TMEM132C: variants seen among roughly 807,000 people sequenced by gnomAD.
TMEM132C encodes transmembrane protein 132C.
A neutral mutation model predicts 61.4 loss-of-function variants in TMEM132C; 29 were observed. The ratio of observed to expected loss-of-function variants is 0.47; its 90% CI spans 0.35 to 0.64. TMEM132C has a LOEUF of 0.64. Ranked by LOEUF, TMEM132C falls within the 30% of genes least tolerant of loss-of-function variation. The pLI, the probability that TMEM132C is intolerant of heterozygous loss-of-function variation, is 0.00. For synonymous variants in TMEM132C, 656 were observed against 633.1 expected (o/e 1.04, Z -0.54); for missense variants, 1,408 against 1,476.9 (o/e 0.95, Z 0.76).
At chr12:128,557,763 A>G (rs1477967077) in intron 3 of TMEM132C, among the ~76,000 whole-genome samples, 3 of 152,226 alleles carry the variant, frequency 2.0e-5, no homozygotes. Context: ...TCCTTCTCAT[A>G]TCTGGCTGAT....
intron 3 of TMEM132C, among the ~76,000 whole-genome samples, chr12:128,581,996 C>T (rs1875353091): frequency 6.6e-6 from 1 of 152,182 alleles, no homozygotes; most frequent in African/African-American, 2.4e-5. Context: ...AACTCTGTGG[C>T]AGACGAGGGG....
At chr12:128,686,565 C>A (rs1409403699) in intron 5 of TMEM132C, among the ~76,000 whole-genome samples, 2 of 152,168 alleles carry the variant, frequency 1.3e-5, no homozygotes, top group African/African-American at 4.8e-5. Flanking sequence ...TGCACTCCAG[C>A]CTGGACAACA....
At position 128,707,589 on chromosome 12, in the gene TMEM132C, A is replaced by C. The variant is rs1315597058; in HGVS notation, c.*1294A>C. 6.6e-6 allele frequency: 1 copy of C among 152,218 alleles called. No homozygotes were observed. Among genetic ancestry groups the C allele is most frequent in the Non-Finnish European group, 1.5e-5 (1 of 68,040 alleles). The allele number at this position is 152,218 out of a possible 1,614,324, so 9.4% of individuals were successfully genotyped here. ...CAAAGCGACACATGTGGCAACGTAG[A>C]CCACGCCAGTGAAATAAGCCCCTTC... On this transcript the variant is annotated 3_prime_UTR_variant, in exon 9 of 9. Transcript: ENST00000435159.
At chr12:128,458,546 C>T (rs1432818280) in intron 2 of TMEM132C, among the ~76,000 whole-genome samples, 1 of 151,958 alleles carries the variant, frequency 6.6e-6, no homozygotes, top group Non-Finnish European at 1.5e-5. Context: ...TCCCCTTTGC[C>T]CGGTGACTAC....
intron 2 of TMEM132C, among the ~76,000 whole-genome samples, chr12:128,456,384 T>TAGCAAAGG (rs1870345231): frequency 3.2e-5 from 1 of 31,526 alleles, no homozygotes; most frequent in Non-Finnish European, 5.6e-5. Context: ...TTTTTTTTTT[T>TAGCAAAGG]TTTTTTTTTT....
intron 2 of TMEM132C, among the ~76,000 whole-genome samples, chr12:128,450,292 G>T (rs927484546): frequency 6.6e-6 from 1 of 152,106 alleles, no homozygotes; most frequent in Non-Finnish European, 1.5e-5. Flanking sequence ...ACATTAAGAA[G>T]CCCTACCTTG....
intron 1 of TMEM132C, among the ~76,000 whole-genome samples, chr12:128,304,991 G>A (rs557389254): frequency 2.6e-4 from 39 of 152,268 alleles, no homozygotes; most frequent in African/African-American, 8.2e-4. Flanking sequence ...GAGGAGGGGC[G>A]AGGAAAGGGT....
intron 2 of TMEM132C, among the ~76,000 whole-genome samples, chr12:128,467,900 C>T (rs1198483293): frequency 6.6e-6 from 1 of 152,176 alleles, no homozygotes; most frequent in African/African-American, 2.4e-5. Context: ...TGCTCCTCGC[C>T]CTCATGAGGT....
intron 3 of TMEM132C, among the ~76,000 whole-genome samples, chr12:128,615,380 T>G (rs1194698736): frequency 6.6e-6 from 1 of 152,162 alleles, no homozygotes; most frequent in Admixed American, 6.5e-5. Flanking sequence ...GTAATGATAA[T>G]GAATAATGAA....
At chr12:128,386,615 A>G (rs1353851509) in intron 1 of TMEM132C, among the ~76,000 whole-genome samples, 1 of 152,074 alleles carries the variant, frequency 6.6e-6, no homozygotes, top group Non-Finnish European at 1.5e-5. Flanking sequence ...GGCAGTACCC[A>G]CTCTGGGCTG....
At chr12:128,381,679 AGAGGGAGCT>A (rs1874403118) in intron 1 of TMEM132C, among the ~76,000 whole-genome samples, 1 of 152,176 alleles carries the variant, frequency 6.6e-6, no homozygotes, top group Non-Finnish European at 1.5e-5. Context: ...GCAGCAGAGT[AGAGGGAGCT>A]GTCCCAGCTG....
chr12:128,476,440 A>G (rs574304969), intron 2 of TMEM132C, among the ~76,000 whole-genome samples: 5 of 152,220 alleles, frequency 3.3e-5, no homozygotes, highest in Non-Finnish European at 7.3e-5. Context: ...TGGGAGAGAA[A>G]GGGTGAAGAA....
intron 3 of TMEM132C, among the ~76,000 whole-genome samples, chr12:128,576,946 A>G (rs1249806824): frequency 1.5e-5 from 2 of 134,510 alleles, no homozygotes; most frequent in Non-Finnish European, 3.4e-5. Flanking sequence ...CATATTTAAA[A>G]TTCACCCTTT....
intron 3 of TMEM132C, among the ~76,000 whole-genome samples, chr12:128,597,113 T>C (rs576753851): frequency 6.6e-6 from 1 of 152,330 alleles, no homozygotes; most frequent in African/African-American, 2.4e-5. Context: ...GTTGGCTATA[T>C]ACCCTTCTGC....
intron 4 of TMEM132C, among the ~76,000 whole-genome samples, chr12:128,644,078 A>G (rs1954178116): frequency 6.6e-6 from 1 of 152,224 alleles, no homozygotes; most frequent in Admixed American, 6.5e-5. Context: ...GACAAAAGCT[A>G]AGATGGAAAC....
chr12:128,464,993 G>A (rs1416018946), intron 2 of TMEM132C, among the ~76,000 whole-genome samples: 2 of 151,916 alleles, frequency 1.3e-5, no homozygotes, highest in East Asian at 3.9e-4. Flanking sequence ...AGAGAAGGAG[G>A]AGAGTAAATC....
chr12:128,295,895 AAGAC>A (rs1368650641), intron 1 of TMEM132C, among the ~76,000 whole-genome samples: 1 of 152,110 alleles, frequency 6.6e-6, no homozygotes, highest in East Asian at 1.9e-4. Flanking sequence ...TCATTTCTTG[AAGAC>A]ATGGGCCTTT....
At chr12:128,526,944 G>A (rs1176300727) in intron 2 of TMEM132C, among the ~76,000 whole-genome samples, 1 of 152,164 alleles carries the variant, frequency 6.6e-6, no homozygotes, top group African/African-American at 2.4e-5. Flanking sequence ...GAATAAACAA[G>A]AATAGAAAAC....
At chr12:128,629,829 G>A (rs893597206) in intron 4 of TMEM132C, among the ~76,000 whole-genome samples, 1 of 152,118 alleles carries the variant, frequency 6.6e-6, no homozygotes, top group African/African-American at 2.4e-5. Context: ...AGCTGGGCGT[G>A]GTGGTGCACA....
Sources: gnomAD v4.1 joint callset for allele counts (sites outside exome capture counted in the v4.1 genomes callset) on GRCh38, gnomAD v4.1.1 for gene constraint, MANE v1.5 for transcripts, NCBI Gene and HGNC (gene_info 2026-07-23, HGNC 2026-07-21) for gene names.